Variants in NCKAP5 observed in about 807,000 individuals in gnomAD.
The protein encoded by NCKAP5 is nck-associated protein 5.
Under a neutral mutation model 167.0 loss-of-function variants are expected in NCKAP5, and 92 were observed. The observed-to-expected ratio is 0.55, with a 90% confidence interval of 0.47 to 0.66. The LOEUF is 0.66. Ranked by LOEUF, NCKAP5 falls within the 30% of genes least tolerant of loss-of-function variation. The pLI, the probability that NCKAP5 is intolerant of heterozygous loss-of-function variation, is 0.00. For synonymous variants in NCKAP5, 891 were observed against 877.4 expected (o/e 1.02, Z -0.27); for missense variants, 2,378 against 2,315.0 (o/e 1.03, Z -0.56).
At chr2:132,963,221 G>A (rs776370537) in intron 8 of NCKAP5, among the ~76,000 whole-genome samples, 8 of 152,176 alleles carry the variant, frequency 5.3e-5, no homozygotes, top group Non-Finnish European at 1.2e-4. Flanking sequence ...ATCTCCTTAA[G>A]TCTCCTTAGC....
intron 18 of NCKAP5, among the ~76,000 whole-genome samples, 165 bp from the exon 19 acceptor site, chr2:132,725,924 G>A (rs1039003716): frequency 9.2e-5 from 14 of 152,262 alleles, no homozygotes; most frequent in Middle Eastern, 3.4e-3. Flanking sequence ...CTGGTTTGCC[G>A]GTTTTTCTGC....
chr2:132,703,587 C>T (rs551549386), intron 19 of NCKAP5, among the ~76,000 whole-genome samples: 9 of 152,234 alleles, frequency 5.9e-5, no homozygotes, highest in African/African-American at 1.7e-4. Flanking sequence ...TGGTCCATTG[C>T]GATGGCTGAC....
At chr2:133,326,278 AC>A (rs1682437272) in intron 3 of NCKAP5, among the ~76,000 whole-genome samples, 1 of 152,048 alleles carries the variant, frequency 6.6e-6, no homozygotes, top group African/African-American at 2.4e-5. Flanking sequence ...ACACGGTGAA[AC>A]CCTGTCTCTA....
At chr2:132,724,377 A>C (rs909605036) in intron 19 of NCKAP5, among the ~76,000 whole-genome samples, 1 of 152,226 alleles carries the variant, frequency 6.6e-6, no homozygotes, top group African/African-American at 2.4e-5. Flanking sequence ...GCTCAGAGGA[A>C]GCTTTCAACA....
intron 3 of NCKAP5, among the ~76,000 whole-genome samples, chr2:133,337,294 G>A (rs552667082): frequency 4.3e-4 from 65 of 152,310 alleles, no homozygotes; most frequent in African/African-American, 1.5e-3. Context: ...TCGTTAGCTT[G>A]AGATTTCTCA....
chr2:133,656,889 G>A, the NCKAP5 span, among the ~76,000 whole-genome samples: 338 of 152,190 alleles, frequency 2.2e-3, no homozygotes, highest in African/African-American at 7.6e-3. Flanking sequence ...AGTATACATT[G>A]CACCATATTT....
At chr2:132,907,789 C>T (rs1027530197) in intron 8 of NCKAP5, among the ~76,000 whole-genome samples, 1 of 152,008 alleles carries the variant, frequency 6.6e-6, no homozygotes, top group Non-Finnish European at 1.5e-5. Context: ...TCCCGAGTAG[C>T]TGGGACTACA....
intron 19 of NCKAP5, among the ~76,000 whole-genome samples, chr2:132,708,419 T>C (rs1193893421): frequency 6.6e-6 from 1 of 152,096 alleles, no homozygotes; most frequent in East Asian, 1.9e-4. Flanking sequence ...AGCCAGGCAG[T>C]ACTTGTCATG....
chr2:133,548,591 AGAATTTTCAACCC>A, intron 2 of NCKAP5, among the ~76,000 whole-genome samples: 1 of 152,066 alleles, frequency 6.6e-6, no homozygotes, highest in Non-Finnish European at 1.5e-5. Context: ...CTTAAAGACA[AGAATTTTCAACCC>A]AGAATTTCAT....
At chr2:133,631,015 A>G in the NCKAP5 span, among the ~76,000 whole-genome samples, 19 of 152,262 alleles carry the variant, frequency 1.2e-4, 1 homozygote, top group African/African-American at 4.6e-4. Flanking sequence ...AACAACCTAA[A>G]TGCCCAACAA....
chr2:133,321,390 A>G (rs1206700520), intron 3 of NCKAP5, among the ~76,000 whole-genome samples: 1 of 152,198 alleles, frequency 6.6e-6, no homozygotes, highest in East Asian at 1.9e-4. Flanking sequence ...CTTGCAACCT[A>G]CTATTAAAAG....
chr2:132,704,430 TTGA>T (rs1321793382), intron 19 of NCKAP5, among the ~76,000 whole-genome samples: 1 of 152,162 alleles, frequency 6.6e-6, no homozygotes, highest in African/African-American at 2.4e-5. Flanking sequence ...GCCACAAATC[TTGA>T]TGATTTCAAT....
intron 19 of NCKAP5, among the ~76,000 whole-genome samples, chr2:132,687,755 A>ACACC (rs138845809): frequency 0.017 from 2,434 of 142,110 alleles, 73 homozygotes; most frequent in African/African-American, 0.06. Flanking sequence ...ACACACACAC[A>ACACC]CCCTTCCTCT....
intron 5 of NCKAP5, among the ~76,000 whole-genome samples, chr2:133,203,958 T>C (rs942182276): frequency 6.6e-6 from 1 of 152,194 alleles, no homozygotes; most frequent in East Asian, 1.9e-4. Context: ...AAAAAGAGGG[T>C]GTTTAATTTA....
chr2:132,864,740 T>C (rs936434758), intron 10 of NCKAP5, among the ~76,000 whole-genome samples: 5 of 152,198 alleles, frequency 3.3e-5, no homozygotes, highest in East Asian at 1.9e-4. Context: ...TGGTGTGTCA[T>C]TGAAAACTAT....
At chr2:132,964,615 A>G (rs1206078772) in intron 7 of NCKAP5, among the ~76,000 whole-genome samples, 1 of 152,158 alleles carries the variant, frequency 6.6e-6, no homozygotes, top group East Asian at 1.9e-4. Flanking sequence ...TTAAAAAAAA[A>G]AGGATCCATT....
chr2:133,204,167 G>C (rs1052862006), intron 5 of NCKAP5, among the ~76,000 whole-genome samples: 1 of 151,936 alleles, frequency 6.6e-6, no homozygotes, highest in Non-Finnish European at 1.5e-5. Context: ...CTACTTTCTT[G>C]TGTCTTCTTT....
chr2:133,213,795 C>T lies in NCKAP5; in HGVS notation c.144-16G>A, dbSNP rs773310425. On this transcript the variant is annotated splice_polypyrimidine_tract_variant and intron_variant, in intron 4 of 19. Coordinates refer to ENST00000409261, the MANE Select transcript of NCKAP5 (RefSeq NM_207363.3). Reference sequence around the variant, plus strand: ...CAACTTCTCCCTGAAGAAACAAAAACACATGATTAGTTGACCATTCTCAGG... The same window carrying T: ...CAACTTCTCCCTGAAGAAACAAAAATACATGATTAGTTGACCATTCTCAGG... 24 of 1,613,456 alleles carry T rather than the reference C, an allele frequency of 1.5e-5. No individual in the cohort carries two copies. Among genetic ancestry groups the T allele is most frequent in the Non-Finnish European group, 1.9e-5 (23 of 1,179,632 alleles).
chr2:133,589,009 A>G, the NCKAP5 span, among the ~76,000 whole-genome samples: 1 of 152,170 alleles, frequency 6.6e-6, no homozygotes, highest in African/African-American at 2.4e-5. Context: ...CATTGCAGAC[A>G]AGGTAGCAAC....
Sources: gnomAD v4.1 joint callset for allele counts (sites outside exome capture counted in the v4.1 genomes callset) on GRCh38, gnomAD v4.1.1 for gene constraint, MANE v1.5 for transcripts, NCBI Gene and HGNC (gene_info 2026-07-23, HGNC 2026-07-21) for gene names.